Variants in ARL6IP5 observed in about 807,000 individuals in gnomAD.
The protein encoded by ARL6IP5 is PRA1 family protein 3.
ARL6IP5 carries 6 observed loss-of-function variants against 13.0 expected under a neutral mutation model. The observed-to-expected ratio is 0.46, with a 90% CI of 0.25 to 0.91. ARL6IP5 has a LOEUF of 0.91. Among genes scored for constraint, ARL6IP5 ranks in the 40% least tolerant of loss-of-function variants. The pLI is 0.17. For missense variants in ARL6IP5, 208 were observed against 248.8 expected (o/e 0.84, Z 1.10); for synonymous variants, 91 against 91.9 (o/e 0.99, Z 0.06).
chr3:69,096,920 G>A (rs1242271201), intron 1 of ARL6IP5, among the ~76,000 whole-genome samples: 2 of 151,912 alleles, frequency 1.3e-5, no homozygotes, highest in Admixed American at 6.6e-5. Flanking sequence ...TTTTCTTTAC[G>A]GCTCAGAAGA....
chr3:69,086,436 A>G (rs1437866782), intron 1 of ARL6IP5, among the ~76,000 whole-genome samples: 1 of 152,228 alleles, frequency 6.6e-6, no homozygotes, highest in East Asian at 1.9e-4. Flanking sequence ...AGTATGGTTC[A>G]CAGCAATCAC....
At position 69,090,825 on chromosome 3, in the gene ARL6IP5, C is replaced by T. The variant is rs1464155874; in HGVS notation, c.176+5602C>T. On this transcript the variant is annotated intron_variant, in intron 1 of 2. Transcript: ENST00000273258. ...TGCATTTGAGGCTGGCACCTGTCTT[C>T]CTCTGATGGCTTATGTGTTTCTTCT... Among the ~76,000 whole-genome samples, 4 of 152,192 alleles carry T rather than the reference C, an allele frequency of 2.6e-5. No homozygotes were observed. In the East Asian group the frequency reaches 5.8e-4, roughly 22 times the overall value.
At chr3:69,101,487 T>C (rs1169968928) in intron 1 of ARL6IP5, among the ~76,000 whole-genome samples, 1 of 151,688 alleles carries the variant, frequency 6.6e-6, no homozygotes, top group East Asian at 2.0e-4. Context: ...CACACCTGGC[T>C]AATTTTCATA....
intron 1 of ARL6IP5, among the ~76,000 whole-genome samples, chr3:69,087,316 AG>A (rs1212176447): frequency 1.3e-5 from 2 of 152,212 alleles, no homozygotes; most frequent in African/African-American, 4.8e-5. Flanking sequence ...TGGCCAAAAA[AG>A]TCTTTAAAAC....
Position 69,101,920 on chromosome 3 carries a change from TAA to T in ARL6IP5, c.260_261del (p.Lys87ArgfsTer64). 6.2e-7 allele frequency: 1 copy of T among 1,614,100 alleles called. No homozygotes were observed. Among genetic ancestry groups the T allele is most frequent in the Non-Finnish European group, 8.5e-7 (1 of 1,180,010 alleles). On this transcript the variant is annotated frameshift_variant, in exon 2 of 3. Coordinates refer to ENST00000273258, the MANE Select transcript of ARL6IP5 (RefSeq NM_006407.4). LOFTEE classifies it high-confidence loss of function. ...FTGFVWAAHNKDVLRRMKKRY... is the reference protein window; with the variant it reads ...FTGFVWAAHNXDVLRRMKKRY... Reference sequence around the variant, plus strand: ...CAGGGTTTGTGTGGGCAGCCCACAATAAAGACGTCCTTCGCCGGATGAAGAAG... The same window carrying T: ...CAGGGTTTGTGTGGGCAGCCCACAATAGACGTCCTTCGCCGGATGAAGAAG...
chr3:69,098,633 C>T (rs2092294833), intron 1 of ARL6IP5, among the ~76,000 whole-genome samples: 1 of 152,134 alleles, frequency 6.6e-6, no homozygotes, highest in African/African-American at 2.4e-5. Context: ...TCAAAAGATC[C>T]ACCCACCTTG....
In ARL6IP5 at chr3:69,085,072, C is replaced by A; in HGVS notation, c.25C>A (p.Arg9Ser). The A allele has an allele frequency of 1.2e-6, 2 of 1,614,112 alleles. No homozygotes were observed. Among genetic ancestry groups the A allele is most frequent in the Non-Finnish European group, 8.5e-7 (1 of 1,179,992 alleles). MDVNIAPL[R>S]AWDDFFPGSD... ...CATGGACGTTAATATCGCCCCACTCCGCGCCTGGGACGATTTCTTCCCGGG... is the reference window on the plus strand; with the variant it reads ...CATGGACGTTAATATCGCCCCACTCAGCGCCTGGGACGATTTCTTCCCGGG... The change falls in exon 1 of 3, where the codon CGC becomes AGC. Residue 9 changes from arginine to serine, a missense_variant. By Grantham distance (110) the Arg-to-Ser change is moderately radical. Coordinates refer to ENST00000273258, the MANE Select transcript of ARL6IP5 (RefSeq NM_006407.4).
rs546160901 is a variant in ARL6IP5 at position 69,104,392 on chromosome 3, G to C, written c.395-72G>C. The C allele has an allele frequency of 1.9e-5, 28 of 1,449,364 alleles. No individual in the cohort carries two copies. The East Asian group carries it at 4.3e-4, about 22-fold the overall frequency. The allele number at this position is 1,449,364 out of a possible 1,614,324, so 89.8% of individuals were successfully genotyped here. ...AGGCAGTTTACTAATAGTGTGAAGA[G>C]AGGGAGTGTAATATTGATATGGCAA... On this transcript the variant is annotated intron_variant, in intron 2 of 2. Transcript: ENST00000273258.
chr3:69,099,129 CGGG>C (rs879666722), intron 1 of ARL6IP5, among the ~76,000 whole-genome samples: 2 of 17,620 alleles, frequency 1.1e-4, no homozygotes, highest in African/African-American at 3.6e-4. Context: ...GGCTGAGGGG[CGGG>C]GGGGGTGGGG....
chr3:69,088,300 G>T (rs1279582597), intron 1 of ARL6IP5, among the ~76,000 whole-genome samples: 3 of 152,166 alleles, frequency 2.0e-5, no homozygotes, highest in African/African-American at 7.2e-5. Context: ...TGTTCATCTG[G>T]ATCCTCCACA....
chr3:69,101,359 G>A (rs1377371900), intron 1 of ARL6IP5, among the ~76,000 whole-genome samples: 1 of 123,032 alleles, frequency 8.1e-6, no homozygotes, highest in Non-Finnish European at 1.6e-5. Flanking sequence ...GTCTCACTCT[G>A]TCACCCAGCC....
chr3:69,098,501 T>A (rs1233973608), intron 1 of ARL6IP5, among the ~76,000 whole-genome samples: 7 of 151,776 alleles, frequency 4.6e-5, no homozygotes, highest in Non-Finnish European at 1.0e-4. Flanking sequence ...CGCCTCAGCC[T>A]CCCAAAGTGC....
intron 1 of ARL6IP5, among the ~76,000 whole-genome samples, chr3:69,095,055 T>C (rs1445803933): frequency 2.6e-5 from 4 of 152,188 alleles, no homozygotes; most frequent in African/African-American, 9.7e-5. Flanking sequence ...GTAGGTTACT[T>C]AGAGTGTGGG....
chr3:69,101,748 G>A, intron 1 of ARL6IP5, 91 bp from the exon 2 acceptor site: 2 of 1,077,756 alleles, frequency 1.9e-6, no homozygotes, highest in Non-Finnish European at 2.8e-6. Flanking sequence ...GTATTAGTAA[G>A]TTCTCAATAA....
rs2092270279 is a variant in ARL6IP5 at position 69,092,267 on chromosome 3, C to T, written c.176+7044C>T. On this transcript the variant is annotated intron_variant, in intron 1 of 2. Transcript: ENST00000273258. The stretch of plus-strand genomic sequence containing the variant: ...TGGAAGGCAGAAAGCCCTGCTTCTT[C>T]TAATCTGCTTCATATCTCATTGGTG... Among the ~76,000 whole-genome samples the T allele has an allele frequency of 3.3e-5, 5 of 152,174 alleles. No homozygotes were observed. In the South Asian group the frequency reaches 1.0e-3, roughly 32 times the overall value.
At position 69,105,209 on chromosome 3, in the gene ARL6IP5, T is replaced by C. The variant is rs953276671; in HGVS notation, c.*573T>C. 2 of 252,246 alleles carry C rather than the reference T, an allele frequency of 7.9e-6. No individual in the cohort carries two copies. The highest frequency in any genetic ancestry group is 2.3e-5 in the African/African-American group (1 of 43,996). 15.6% of individuals were successfully genotyped at this position (252,246 alleles called of 1,614,324 possible). A position where few individuals can be genotyped will look rare whatever the true frequency, so the allele number is the denominator to read the frequency against. On this transcript the variant is annotated 3_prime_UTR_variant, in exon 3 of 3. Transcript: ENST00000273258. ...CATACTTCCTTTACAAATATAAAGATAGCTGTTTAGGATATTTTGTTACAT... is the reference window on the plus strand; with the variant it reads ...CATACTTCCTTTACAAATATAAAGACAGCTGTTTAGGATATTTTGTTACAT...
chr3:69,102,582 G>A (rs79438513), intron 2 of ARL6IP5, among the ~76,000 whole-genome samples: 2,133 of 152,242 alleles, frequency 0.014, 51 homozygotes, highest in African/African-American at 0.049. Flanking sequence ...TTCTTATGGG[G>A]ACACAACAGT....
At chr3:69,099,458 A>G (rs1211146021) in intron 1 of ARL6IP5, among the ~76,000 whole-genome samples, 2 of 152,214 alleles carry the variant, frequency 1.3e-5, no homozygotes, top group Non-Finnish European at 2.9e-5. Flanking sequence ...GCTTTTTCAA[A>G]GCAGTTTGAC....
At chr3:69,091,762 G>T (rs1008599113) in intron 1 of ARL6IP5, among the ~76,000 whole-genome samples, 2 of 149,018 alleles carry the variant, frequency 1.3e-5, no homozygotes, top group South Asian at 4.2e-4. Flanking sequence ...AGGTAAGTGT[G>T]CAAATAAATG....
Sources: allele counts gnomAD v4.1 joint callset (sites outside exome capture counted in the v4.1 genomes callset), GRCh38; gene constraint gnomAD v4.1.1; transcripts MANE v1.5; gene names NCBI Gene and HGNC (gene_info 2026-07-23, HGNC 2026-07-21).